TRPM4: variants seen among roughly 807,000 people sequenced by gnomAD.
The protein encoded by TRPM4 is calcium-activated non-selective cation channel 1.
TRPM4 carries 124 observed loss-of-function variants against 135.6 expected under a neutral mutation model. The observed-to-expected ratio is 0.91, with a 90% CI of 0.79 to 1.06. The LOEUF (loss-of-function observed/expected upper bound fraction) is 1.06. Among genes scored for constraint, TRPM4 ranks in the 50% least tolerant of loss-of-function variants. TRPM4 has a pLI of 0.00. For synonymous variants in TRPM4, 745 were observed against 705.6 expected (o/e 1.06, Z -0.88); for missense variants, 1,658 against 1,671.4 (o/e 0.99, Z 0.14).
At chr19:49,160,859 G>C (rs1489835533) in intron 2 of TRPM4, among the ~76,000 whole-genome samples, 1 of 152,080 alleles carries the variant, frequency 6.6e-6, no homozygotes, top group Admixed American at 6.6e-5. Context: ...ACAGAGAGGA[G>C]GGCATGGGGC....
chr19:49,182,879 G>A lies in TRPM4; in HGVS notation c.1565G>A (p.Gly522Glu), dbSNP rs1388071646. The stretch of plus-strand genomic sequence containing the variant: ...ATGTGCGCGCCGAGGTACCCCTCCG[G>A]GGGCGCCTGGGACCCTCACCCAGGC... Reference protein sequence around the residue: ...GKMCAPRYPSGGAWDPHPGQG... With the variant: ...GKMCAPRYPSEGAWDPHPGQG... The change falls in exon 11 of 25, where the codon GGG becomes GAG. Residue 522 changes from glycine to glutamate, a missense_variant. Coordinates refer to ENST00000252826, the MANE Select transcript of TRPM4 (RefSeq NM_017636.4). 1 of 1,604,040 alleles carries A rather than the reference G, an allele frequency of 6.2e-7. No homozygotes were observed. The highest frequency in any genetic ancestry group is 1.7e-5 in the Admixed American group (1 of 59,280).
At chr19:49,204,027 C>T (rs377534526) in intron 20 of TRPM4, among the ~76,000 whole-genome samples, 220 of 152,228 alleles carry the variant, frequency 1.4e-3, no homozygotes, top group African/African-American at 5.0e-3. Flanking sequence ...GGCTCAGGCA[C>T]GAGAGTCGCT....
intron 12 of TRPM4, among the ~76,000 whole-genome samples, chr19:49,185,917 A>T (rs969412730): frequency 6.6e-6 from 1 of 151,826 alleles, no homozygotes; most frequent in African/African-American, 2.4e-5. Flanking sequence ...CACCCAGCTA[A>T]TTTTTGTATT....
At chr19:49,192,689 A>AG (rs1968455512) in intron 16 of TRPM4, among the ~76,000 whole-genome samples, 1 of 152,132 alleles carries the variant, frequency 6.6e-6, no homozygotes, top group Non-Finnish European at 1.5e-5. Flanking sequence ...GACAGAGGGT[A>AG]GGGCGAGGGA....
chr19:49,186,116 C>G (rs1968188758), intron 12 of TRPM4, among the ~76,000 whole-genome samples: 1 of 152,176 alleles, frequency 6.6e-6, no homozygotes, highest in Non-Finnish European at 1.5e-5. Context: ...GCCATGGAAG[C>G]CCCTCTTCTG....
At chr19:49,195,917 G>A (rs7507764) in intron 16 of TRPM4, among the ~76,000 whole-genome samples, 27,524 of 150,222 alleles carry the variant, frequency 0.18, 3,163 homozygotes, top group South Asian at 0.3. Context: ...TCACTCTGTC[G>A]CCTAGGCTGC....
chr19:49,197,485 T>TTCCTTCCG (rs1373514092), intron 17 of TRPM4, among the ~76,000 whole-genome samples: 2 of 67,356 alleles, frequency 3.0e-5, no homozygotes, highest in Non-Finnish European at 6.6e-5. Flanking sequence ...CCTTCCTTCC[T>TTCCTTCCG]TCCTTCCTTC....
intron 20 of TRPM4, among the ~76,000 whole-genome samples, chr19:49,208,891 G>C (rs975612650): frequency 6.6e-6 from 1 of 151,372 alleles, no homozygotes. Flanking sequence ...CCCAGGAGGC[G>C]GAGCTTGCAG....
intron 2 of TRPM4, 115 bp from the exon 3 acceptor site, chr19:49,165,926 C>A: frequency 9.1e-7 from 1 of 1,102,980 alleles, no homozygotes; most frequent in Non-Finnish European, 1.3e-6. Context: ...CTCTGCCTGC[C>A]TCTGTGGGTG....
rs752778561 is a variant in TRPM4, at chr19:49,200,428, A to C, written c.2774A>C (p.Lys925Thr). 84 of 1,447,302 alleles carry C rather than the reference A, an allele frequency of 5.8e-5. No homozygotes were observed. The Admixed American group carries it at 7.0e-4, about 12-fold the overall frequency. The allele number at this position is 1,447,302 out of a possible 1,614,324, so 89.7% of individuals were successfully genotyped here. Residue 925 changes from lysine to threonine, a missense_variant, in exon 18 of 25, where the codon AAG becomes ACG. Physicochemically the swap from Lys to Thr is moderately conservative, Grantham distance 78. Coordinates refer to ENST00000252826, the MANE Select transcript of TRPM4 (RefSeq NM_017636.4). Reference sequence around the variant, plus strand: ...GGGCCCAAGATCGTCATCGTGAGCAAGATGGTGAGGCAGGGGCGGGGCCAA... The same window carrying C: ...GGGCCCAAGATCGTCATCGTGAGCACGATGGTGAGGCAGGGGCGGGGCCAA... ...QLGPKIVIVS[K>T]MMKDVFFFLF...
chr19:49,203,386 A>G (rs868483685), intron 20 of TRPM4, among the ~76,000 whole-genome samples: 12 of 151,622 alleles, frequency 7.9e-5, no homozygotes, highest in South Asian at 6.3e-4. Context: ...TCACCGTGTT[A>G]GCCAGGATGG....
chr19:49,194,795 CT>C lies in TRPM4; in HGVS notation c.2211-1644del, dbSNP rs1968568985. On this transcript the variant is annotated intron_variant, in intron 16 of 24. Coordinates refer to ENST00000252826, the MANE Select transcript of TRPM4 (RefSeq NM_017636.4). Reference sequence around the variant, plus strand: ...TCCTCCCTTCTGAGACAAGGTCTCACTCTGTTGCCTCCGCTGAAGTATAGTA... The same window carrying C: ...TCCTCCCTTCTGAGACAAGGTCTCACCTGTTGCCTCCGCTGAAGTATAGTA... Among the ~76,000 whole-genome samples the C allele has an allele frequency of 2.1e-5, 3 of 142,622 alleles. No individual in the cohort carries two copies. The South Asian group carries it at 7.7e-4, about 36-fold the overall frequency. 93.6% of individuals were successfully genotyped at this position (142,622 alleles called of 152,430 possible).
At chr19:49,186,642 C>G (rs1353243457) in intron 12 of TRPM4, among the ~76,000 whole-genome samples, 1 of 152,046 alleles carries the variant, frequency 6.6e-6, no homozygotes, top group African/African-American at 2.4e-5. Flanking sequence ...GAGGCCGAGG[C>G]AGGTGGATCG....
At chr19:49,177,349 T>C (rs1314719052) in intron 9 of TRPM4, among the ~76,000 whole-genome samples, 1 of 142,000 alleles carries the variant, frequency 7.0e-6, no homozygotes, top group Non-Finnish European at 1.5e-5. Context: ...TTTTTTTTTT[T>C]TTTGAGACAG....
intron 17 of TRPM4, among the ~76,000 whole-genome samples, chr19:49,199,066 C>T (rs1453412065): frequency 2.6e-5 from 4 of 151,970 alleles, no homozygotes; most frequent in Non-Finnish European, 5.9e-5. Context: ...AGGCCATGCT[C>T]GACAATGCCT....
intron 15 of TRPM4, 93 bp downstream of exon 15, chr19:49,190,413 C>A: frequency 8.9e-7 from 1 of 1,121,238 alleles, no homozygotes; most frequent in Non-Finnish European, 1.3e-6. Flanking sequence ...CCCTCATCGG[C>A]CCATTGTGTC....
intron 2 of TRPM4, among the ~76,000 whole-genome samples, chr19:49,161,447 G>A (rs759054041): frequency 2.7e-5 from 4 of 147,970 alleles, no homozygotes; most frequent in East Asian, 2.1e-4. Context: ...ATGAGCCTCC[G>A]GAGTAGCTGG....
At chr19:49,195,872 A>T (rs915939401) in intron 16 of TRPM4, among the ~76,000 whole-genome samples, 6 of 148,378 alleles carry the variant, frequency 4.0e-5, no homozygotes, top group African/African-American at 7.4e-5. Context: ...TATTTATTTT[A>T]TTATTATTAT....
Position 49,190,818 on chromosome 19 carries a change from C to A in TRPM4, c.2210+45C>A, listed in dbSNP as rs750986371. 16 of 1,567,004 alleles carry A rather than the reference C, an allele frequency of 1.0e-5. No homozygotes were observed. In the East Asian group the frequency reaches 3.1e-4, roughly 31 times the overall value. ...CTGTGTGAGGTGGGGACACCCTGGGCAGTTCAGGACATGTGCCAGTTCCAC... is the reference window on the plus strand; with the variant it reads ...CTGTGTGAGGTGGGGACACCCTGGGAAGTTCAGGACATGTGCCAGTTCCAC... On this transcript the variant is annotated intron_variant, in intron 16 of 24. Transcript: ENST00000252826.
Sources: allele counts gnomAD v4.1 joint callset (sites outside exome capture counted in the v4.1 genomes callset), GRCh38; gene constraint gnomAD v4.1.1; transcripts MANE v1.5; gene names NCBI Gene and HGNC (gene_info 2026-07-23, HGNC 2026-07-21).